The following ROBO1 variants were observed in gnomAD, a reference collection of about 807,000 sequenced individuals.
ROBO1 encodes roundabout guidance receptor 1.
A neutral mutation model predicts 195.9 loss-of-function variants in ROBO1; 149 were observed. The observed-to-expected ratio is 0.76, with a 90% CI of 0.67 to 0.87. The LOEUF (loss-of-function observed/expected upper bound fraction) is 0.87. Among genes scored for constraint, ROBO1 ranks in the 40% least tolerant of loss-of-function variants. The probability of loss-of-function intolerance (pLI) is 0.00; values close to 1 mark genes in which losing one functional copy is unlikely to be tolerated. For synonymous variants in ROBO1, 816 were observed against 733.2 expected (o/e 1.11, Z -1.82); for missense variants, 1,933 against 2,068.3 (o/e 0.93, Z 1.27).
At chr3:79,613,079 C>T (rs909764073) in intron 1 of ROBO1, among the ~76,000 whole-genome samples, 1 of 151,740 alleles carries the variant, frequency 6.6e-6, no homozygotes, top group Non-Finnish European at 1.5e-5. Flanking sequence ...AATGCATGTC[C>T]TTAGCTTGAG....
At chr3:79,273,144 T>C (rs1288478557) in intron 2 of ROBO1, among the ~76,000 whole-genome samples, 2 of 152,064 alleles carry the variant, frequency 1.3e-5, no homozygotes, top group African/African-American at 2.4e-5. Context: ...AGGACATTAA[T>C]GAGCACTAAG....
At chr3:79,573,174 G>C (rs1474247934) in intron 2 of ROBO1, among the ~76,000 whole-genome samples, 2 of 152,112 alleles carry the variant, frequency 1.3e-5, no homozygotes, top group Admixed American at 6.5e-5. Flanking sequence ...TCGTCTTCCC[G>C]AGTGGCTGGG....
At chr3:79,492,709 C>T (rs1308453609) in intron 2 of ROBO1, among the ~76,000 whole-genome samples, 5 of 151,924 alleles carry the variant, frequency 3.3e-5, no homozygotes, top group Admixed American at 1.3e-4. Context: ...TTCAGAAATA[C>T]GTACTAAATA....
At chr3:78,812,244 A>G (rs1381186533) in intron 4 of ROBO1, among the ~76,000 whole-genome samples, 1 of 152,134 alleles carries the variant, frequency 6.6e-6, no homozygotes, top group African/African-American at 2.4e-5. Flanking sequence ...CTCCTACTGC[A>G]GAGTAAAAGA....
intron 2 of ROBO1, among the ~76,000 whole-genome samples, chr3:79,543,108 T>C (rs1942137703): frequency 6.6e-6 from 1 of 152,078 alleles, no homozygotes; most frequent in Admixed American, 6.6e-5. Context: ...AAGCATTTGT[T>C]CATCACACAT....
intron 3 of ROBO1, among the ~76,000 whole-genome samples, chr3:79,052,244 AG>A (rs2108369196): frequency 6.6e-6 from 1 of 152,218 alleles, no homozygotes; most frequent in Non-Finnish European, 1.5e-5. Context: ...TGTCTTATGC[AG>A]TTGAAAATAA....
At chr3:79,636,163 G>T (rs1323190259) in intron 1 of ROBO1, among the ~76,000 whole-genome samples, 1 of 152,068 alleles carries the variant, frequency 6.6e-6, no homozygotes, top group Non-Finnish European at 1.5e-5. Flanking sequence ...TTTCAGTATA[G>T]AATAATTTCC....
chr3:78,827,285 T>C (rs2031705668), intron 4 of ROBO1, among the ~76,000 whole-genome samples: 1 of 152,204 alleles, frequency 6.6e-6, no homozygotes, highest in Non-Finnish European at 1.5e-5. Flanking sequence ...CTTGTCTTGT[T>C]ATATGTAAAT....
chr3:79,631,584 T>A (rs1227262166), intron 1 of ROBO1, among the ~76,000 whole-genome samples: 2 of 151,982 alleles, frequency 1.3e-5, no homozygotes, highest in Non-Finnish European at 2.9e-5. Context: ...AGGCAAAAAA[T>A]TTATGACTTG....
chr3:78,852,510 T>C (rs2034131112), intron 4 of ROBO1, among the ~76,000 whole-genome samples: 1 of 152,190 alleles, frequency 6.6e-6, no homozygotes, highest in African/African-American at 2.4e-5. Context: ...GTGGTCAGCA[T>C]CATGATTTAA....
At chr3:79,489,781 G>A (rs1466074107) in intron 2 of ROBO1, among the ~76,000 whole-genome samples, 1 of 152,106 alleles carries the variant, frequency 6.6e-6, no homozygotes, top group Non-Finnish European at 1.5e-5. Context: ...CTTGTAGGCT[G>A]TCTTTTTTTC....
chr3:79,642,031 G>GT (rs565189300), intron 1 of ROBO1, among the ~76,000 whole-genome samples: 1 of 151,892 alleles, frequency 6.6e-6, no homozygotes, highest in South Asian at 2.1e-4. Flanking sequence ...TTTGTTTTTT[G>GT]TTTTTTTAAA....
At chr3:78,645,528 T>C (rs1204623358) in intron 21 of ROBO1, among the ~76,000 whole-genome samples, 1 of 152,056 alleles carries the variant, frequency 6.6e-6, no homozygotes, top group Non-Finnish European at 1.5e-5. Context: ...TCAGCCCCTT[T>C]AAGCTGGTTG....
intron 1 of ROBO1, among the ~76,000 whole-genome samples, chr3:79,613,791 A>G (rs1944738315): frequency 6.6e-6 from 1 of 152,064 alleles, no homozygotes; most frequent in Admixed American, 6.6e-5. Context: ...CACAATAAAT[A>G]TAATCACATA....
chr3:78,680,798 A>G (rs990349069), intron 10 of ROBO1, among the ~76,000 whole-genome samples: 8 of 148,178 alleles, frequency 5.4e-5, no homozygotes, highest in East Asian at 3.9e-4. Context: ...ATCTAGAACT[A>G]GAAATACCAT....
intron 1 of ROBO1, among the ~76,000 whole-genome samples, chr3:79,748,564 G>A (rs1440526397): frequency 6.6e-6 from 1 of 151,944 alleles, no homozygotes; most frequent in Admixed American, 6.6e-5. Context: ...TTCTTTTCTG[G>A]TTTGATATGG....
intron 3 of ROBO1, among the ~76,000 whole-genome samples, chr3:79,108,258 G>C (rs1450503178): frequency 6.6e-6 from 1 of 151,584 alleles, no homozygotes; most frequent in East Asian, 1.9e-4. Flanking sequence ...GAAGCAACAG[G>C]GAAGTTACAG....
chr3:79,619,985 G>C (rs1469576813), intron 1 of ROBO1, among the ~76,000 whole-genome samples: 4 of 152,108 alleles, frequency 2.6e-5, no homozygotes, highest in Non-Finnish European at 5.9e-5. Context: ...TACCTCCACT[G>C]TGAGAGAAAC....
intron 5 of ROBO1, among the ~76,000 whole-genome samples, chr3:78,740,770 G>C (rs6774609): frequency 0.049 from 7,461 of 152,088 alleles, 576 homozygotes; most frequent in African/African-American, 0.17. Flanking sequence ...ACCGCGCCTG[G>C]CAAAAGGAAC....
Sources: gnomAD v4.1 joint callset for allele counts (sites outside exome capture counted in the v4.1 genomes callset) on GRCh38, gnomAD v4.1.1 for gene constraint, MANE v1.5 for transcripts, NCBI Gene and HGNC (gene_info 2026-07-23, HGNC 2026-07-21) for gene names.